Variants in AMDHD1 observed in about 807,000 individuals in gnomAD.
AMDHD1 encodes amidohydrolase domain containing 1.
A neutral mutation model predicts 44.1 loss-of-function variants in AMDHD1; 45 were observed. The ratio of observed to expected loss-of-function variants is 1.02; its 90% CI spans 0.80 to 1.31. AMDHD1 has a LOEUF of 1.31. Ranked by LOEUF, AMDHD1 falls within the 50% of genes most tolerant of loss-of-function variation. AMDHD1 has a pLI of 0.00. For missense variants in AMDHD1, 586 were observed against 552.1 expected, an observed-to-expected ratio of 1.06 and a Z score of -0.61; for synonymous variants, 206 against 205.0, an observed-to-expected ratio of 1.00 and a Z score of -0.04.
intron 1 of AMDHD1, among the ~76,000 whole-genome samples, chr12:95,949,140 T>TAAAAAAAAAAAAAAAAAA (rs1170844527): frequency 1.1e-3 from 5 of 4,454 alleles, no homozygotes; most frequent in African/African-American, 3.6e-3. Context: ...AAAAATAAAT[T>TAAAAAAAAAAAAAAAAAA]AAAAAAAAAA....
chr12:95,956,400 G>A (rs920153250), intron 3 of AMDHD1, among the ~76,000 whole-genome samples: 8 of 152,128 alleles, frequency 5.3e-5, no homozygotes, highest in Admixed American at 2.6e-4. Context: ...GAGCCACCGC[G>A]CCAGGCCTCA....
intron 6 of AMDHD1, 116 bp from the exon 7 acceptor site, chr12:95,965,570 T>C (rs2080605841): frequency 1.7e-6 from 1 of 580,830 alleles, no homozygotes; most frequent in Non-Finnish European, 3.0e-6. Context: ...CTTGAGTTTC[T>C]GCTTCTTCTT....
chr12:95,963,155 G>GT (rs1359186907), intron 6 of AMDHD1, among the ~76,000 whole-genome samples: 1 of 152,212 alleles, frequency 6.6e-6, no homozygotes, highest in Non-Finnish European at 1.5e-5. Context: ...TCAAGAGGAA[G>GT]TTTATCTTCT....
intron 4 of AMDHD1, among the ~76,000 whole-genome samples, chr12:95,959,536 GTTGCTGGGATTATA>G (rs1371501899): frequency 2.0e-5 from 3 of 152,116 alleles, no homozygotes; most frequent in Admixed American, 6.6e-5. Context: ...AGCCTCCCCA[GTTGCTGGGATTATA>G]GGCATGAGGT....
intron 5 of AMDHD1, among the ~76,000 whole-genome samples, chr12:95,961,592 C>G (rs151318310): frequency 1.3e-5 from 2 of 152,180 alleles, no homozygotes; most frequent in African/African-American, 2.4e-5. Context: ...TTGATCTCTT[C>G]GTATTTCTTC....
At chr12:95,944,660 A>G (rs1212827646) in intron 1 of AMDHD1, among the ~76,000 whole-genome samples, 1 of 152,024 alleles carries the variant, frequency 6.6e-6, no homozygotes, top group Non-Finnish European at 1.5e-5. Context: ...CAAGCCATCC[A>G]CCTGGTTTGG....
At chr12:95,966,585 T>A in intron 8 of AMDHD1, 77 bp downstream of exon 8, 2 of 1,529,068 alleles carry the variant, frequency 1.3e-6, no homozygotes, top group Non-Finnish European at 1.8e-6. Context: ...CCTTTTCCAC[T>A]AATTATTAGT....
chr12:95,956,572 C>T, intron 3 of AMDHD1, 113 bp from the exon 4 acceptor site: 1 of 1,418,258 alleles, frequency 7.1e-7, no homozygotes, highest in Non-Finnish European at 9.7e-7. Flanking sequence ...GGGTTGGTGC[C>T]CATGCCATAT....
chr12:95,957,091 A>T, intron 4 of AMDHD1, 129 bp downstream of exon 4: 1 of 1,267,146 alleles, frequency 7.9e-7, no homozygotes, highest in South Asian at 1.4e-5. Flanking sequence ...CCTGATTCTA[A>T]TGGCCACTCA....
At chr12:95,957,977 C>T (rs527704086) in intron 4 of AMDHD1, among the ~76,000 whole-genome samples, 3 of 152,216 alleles carry the variant, frequency 2.0e-5, no homozygotes, top group East Asian at 1.9e-4. Context: ...CGCTTAAGCC[C>T]GGGAGGCGGA....
At chr12:95,963,409 T>G (rs1306789273) in intron 6 of AMDHD1, among the ~76,000 whole-genome samples, 14 of 152,134 alleles carry the variant, frequency 9.2e-5, no homozygotes, top group Non-Finnish European at 2.9e-5. Flanking sequence ...CAAAGAATTA[T>G]CCAGCCCAAG....
intron 3 of AMDHD1, among the ~76,000 whole-genome samples, chr12:95,956,092 A>AGTTTT (rs10636697): frequency 0.69 from 104,077 of 150,958 alleles, 36,360 homozygotes; most frequent in East Asian, 0.94. Context: ...CTCCTGTGCC[A>AGTTTT]GTTTTGTTTT....
chr12:95,963,944 C>A (rs4762656), intron 6 of AMDHD1, among the ~76,000 whole-genome samples: 5 of 151,122 alleles, frequency 3.3e-5, no homozygotes, highest in East Asian at 4.0e-4. Context: ...CAGGAGAATC[C>A]CTTGAACCCA....
intron 1 of AMDHD1, among the ~76,000 whole-genome samples, chr12:95,945,313 C>T (rs905920182): frequency 3.9e-5 from 6 of 152,110 alleles, no homozygotes; most frequent in Non-Finnish European, 7.4e-5. Flanking sequence ...ACATTGTTCT[C>T]ACAGTTTGTT....
chr12:95,950,053 A>T (rs2080519474), intron 1 of AMDHD1, among the ~76,000 whole-genome samples: 1 of 152,164 alleles, frequency 6.6e-6, no homozygotes, highest in Non-Finnish European at 1.5e-5. Context: ...TGTTAAAACA[A>T]CCTCTCTTAA....
intron 6 of AMDHD1, among the ~76,000 whole-genome samples, chr12:95,964,179 A>G (rs1392122968): frequency 6.6e-6 from 1 of 152,132 alleles, no homozygotes; most frequent in African/African-American, 2.4e-5. Context: ...GTCATCTGCC[A>G]TTGCCACAGA....
chr12:95,943,966 T>C (rs80259931), intron 1 of AMDHD1, among the ~76,000 whole-genome samples: 1,981 of 152,258 alleles, frequency 0.013, 22 homozygotes, highest in South Asian at 0.033. Context: ...GCTGGAGTTC[T>C]GAGACCTGAA....
rs763468267 is a variant in AMDHD1, at chr12:95,966,791, C to G, written c.1193+283C>G. Reference sequence around the variant, plus strand: ...ACTTTGGCCGGGTTGTGCCCTCTGGCATGTGTTTGTGTTTTTCTGCTCGGC... The same window carrying G: ...ACTTTGGCCGGGTTGTGCCCTCTGGGATGTGTTTGTGTTTTTCTGCTCGGC... On this transcript the variant is annotated intron_variant, in intron 8 of 8. Transcript: ENST00000266736. Among the ~76,000 whole-genome samples, 79 of 152,206 alleles carry G rather than the reference C, an allele frequency of 5.2e-4. 1 individual carries two copies. The highest frequency in any genetic ancestry group is 9.1e-4 in the Non-Finnish European group (62 of 68,036).
intron 1 of AMDHD1, among the ~76,000 whole-genome samples, chr12:95,945,786 T>A (rs1194872742): frequency 1.0e-5 from 1 of 95,602 alleles, no homozygotes; most frequent in East Asian, 6.4e-4. Flanking sequence ...AGTGTGTGTT[T>A]TTTTTTTTCC....
Sources: allele counts gnomAD v4.1 joint callset (sites outside exome capture counted in the v4.1 genomes callset), GRCh38; gene constraint gnomAD v4.1.1; transcripts MANE v1.5; gene names NCBI Gene and HGNC (gene_info 2026-07-23, HGNC 2026-07-21).